The following FBXO42 variants were observed in gnomAD, a reference collection of about 807,000 sequenced individuals.
FBXO42 encodes F-box only protein 42.
FBXO42 carries 12 observed loss-of-function variants against 71.7 expected under a neutral mutation model. The observed-to-expected ratio is 0.17, with a 90% CI of 0.11 to 0.27. The LOEUF (loss-of-function observed/expected upper bound fraction) is 0.27. Among genes scored for constraint, FBXO42 ranks in the 10% least tolerant of loss-of-function variants. The probability of loss-of-function intolerance (pLI) is 1.00; values close to 1 mark genes in which losing one functional copy is unlikely to be tolerated. For missense variants in FBXO42, 707 were observed against 911.9 expected, an observed-to-expected ratio of 0.78 and a Z score of 2.89; for synonymous variants, 325 against 327.5, an observed-to-expected ratio of 0.99 and a Z score of 0.08.
At chr1:16,300,151 A>C (rs1162990706) in intron 3 of FBXO42, among the ~76,000 whole-genome samples, 1 of 152,140 alleles carries the variant, frequency 6.6e-6, no homozygotes. Context: ...CTAAATAGAA[A>C]ATTTTCCTTT....
chr1:16,321,601 G>A (rs2082409457), intron 1 of FBXO42, among the ~76,000 whole-genome samples: 1 of 152,080 alleles, frequency 6.6e-6, no homozygotes, highest in African/African-American at 2.4e-5. Context: ...CATTGGCCTA[G>A]GCATCTTTGT....
intron 3 of FBXO42, among the ~76,000 whole-genome samples, chr1:16,302,222 T>C (rs2082202239): frequency 6.6e-6 from 1 of 152,140 alleles, no homozygotes; most frequent in Non-Finnish European, 1.5e-5. Context: ...TGAGATGACT[T>C]TTAGAGAACA....
In FBXO42 at chr1:16,347,211, A is replaced by T. The variant is rs544970539; in HGVS notation, c.-18+5044T>A. ...TTGAAGCAAAACACTGGAAAAAATT[A>T]AAAACTCAGAAAAAAACTTTACAGG... On this transcript the variant is annotated intron_variant, in intron 1 of 9. Transcript: ENST00000375592. Among the ~76,000 whole-genome samples the T allele has an allele frequency of 1.5e-3, 227 of 152,248 alleles. 1 individual carries two copies. Among genetic ancestry groups the T allele is most frequent in the Middle Eastern group, 6.8e-3 (2 of 294 alleles).
intron 6 of FBXO42, among the ~76,000 whole-genome samples, chr1:16,253,997 A>G (rs1040949923): frequency 1.1e-4 from 16 of 152,234 alleles, no homozygotes; most frequent in African/African-American, 3.9e-4. Context: ...TATCTCTAAA[A>G]TGAAAATACT....
At chr1:16,303,837 C>A (rs2082222171) in intron 3 of FBXO42, among the ~76,000 whole-genome samples, 1 of 152,158 alleles carries the variant, frequency 6.6e-6, no homozygotes, top group South Asian at 2.1e-4. Context: ...GCTCCACCCC[C>A]TGGATTCACG....
intron 4 of FBXO42, among the ~76,000 whole-genome samples, chr1:16,262,589 C>T (rs1050217045): frequency 6.6e-6 from 1 of 152,062 alleles, no homozygotes; most frequent in Non-Finnish European, 1.5e-5. Context: ...TGCCTGTGGT[C>T]CCAGGTTCAA....
intron 1 of FBXO42, among the ~76,000 whole-genome samples, chr1:16,329,410 C>T (rs1279214738): frequency 6.6e-6 from 1 of 151,680 alleles, no homozygotes; most frequent in Non-Finnish European, 1.5e-5. Flanking sequence ...AGGGTGAAAC[C>T]CCGTTTCTAC....
At chr1:16,343,833 G>C (rs1465952273) in intron 1 of FBXO42, among the ~76,000 whole-genome samples, 2 of 151,150 alleles carry the variant, frequency 1.3e-5, no homozygotes, top group African/African-American at 4.9e-5. Flanking sequence ...AAAAATATTG[G>C]CCAGGTGTAG....
rs1259911742 is a variant in FBXO42, at chr1:16,252,947, A to G, written c.921+149T>C. ...CTAAAAAAAAGCAGAAACAAAGGCCAGAAAATACAAAGGCTATACCCAAAA... is the reference window on the plus strand; with the variant it reads ...CTAAAAAAAAGCAGAAACAAAGGCCGGAAAATACAAAGGCTATACCCAAAA... On this transcript the variant is annotated intron_variant, in intron 8 of 9. Coordinates refer to ENST00000375592, the MANE Select transcript of FBXO42 (RefSeq NM_018994.3). This position sits in a 1 kb window ranked among gnomAD's most constrained non-coding sequence, Gnocchi z 4.4. The G allele has an allele frequency of 5.0e-6, 3 of 596,388 alleles. No individual in the cohort carries two copies. The highest frequency in any genetic ancestry group is 8.4e-6 in the Non-Finnish European group (3 of 356,506). The allele number at this position is 596,388 out of a possible 1,614,324, so 36.9% of individuals were successfully genotyped here.
At chr1:16,316,730 CAAAA>C (rs71003274) in intron 1 of FBXO42, among the ~76,000 whole-genome samples, 12 of 51,582 alleles carry the variant, frequency 2.3e-4, no homozygotes, top group Admixed American at 1.5e-3. Flanking sequence ...GAAAGACTCT[CAAAA>C]AAAAAAAAAA....
intron 1 of FBXO42, among the ~76,000 whole-genome samples, chr1:16,338,756 A>G (rs1047497809): frequency 1.6e-4 from 24 of 147,694 alleles, no homozygotes; most frequent in African/African-American, 4.5e-4. Context: ...AACATAATAC[A>G]TTTTAACAAG....
At chr1:16,262,166 T>C (rs1172340244) in intron 4 of FBXO42, among the ~76,000 whole-genome samples, 2 of 152,206 alleles carry the variant, frequency 1.3e-5, no homozygotes, top group African/African-American at 4.8e-5. Context: ...AAAATCTACA[T>C]ATTTCATATA....
In FBXO42 at chr1:16,256,779, C is replaced by G. The variant is rs775289100; in HGVS notation, c.503-20G>C. The stretch of plus-strand genomic sequence containing the variant: ...AGGACCCTAGGGAAAGTCAGTAACA[C>G]CATGGTTAGCATTCAGGATCTCACA... On this transcript the variant is annotated intron_variant, in intron 4 of 9. Coordinates refer to ENST00000375592, the MANE Select transcript of FBXO42 (RefSeq NM_018994.3). The G allele has an allele frequency of 6.2e-7, 1 of 1,612,752 alleles. No individual in the cohort carries two copies. Among genetic ancestry groups the G allele is most frequent in the Non-Finnish European group, 8.5e-7 (1 of 1,178,984 alleles).
At position 16,344,154 on chromosome 1, in the gene FBXO42, C is replaced by T. The variant is rs1423590034; in HGVS notation, c.-18+8101G>A. Among the ~76,000 whole-genome samples, 8 of 151,980 alleles carry T rather than the reference C, an allele frequency of 5.3e-5. No individual in the cohort carries two copies. The East Asian group carries it at 1.4e-3, about 26-fold the overall frequency. On this transcript the variant is annotated intron_variant, in intron 1 of 9. Coordinates refer to ENST00000375592, the MANE Select transcript of FBXO42 (RefSeq NM_018994.3). Reference sequence around the variant, plus strand: ...CTGGAATTACAGGCATGTGCCACCACACCCAGCTAATTTTGTATTTTTAGT... The same window carrying T: ...CTGGAATTACAGGCATGTGCCACCATACCCAGCTAATTTTGTATTTTTAGT...
chr1:16,343,600 C>CGG (rs2082627001), intron 1 of FBXO42, among the ~76,000 whole-genome samples: 1 of 151,924 alleles, frequency 6.6e-6, no homozygotes, highest in African/African-American at 2.4e-5. Flanking sequence ...GAGGCAGGTA[C>CGG]ATCACGAGGT....
At chr1:16,325,724 C>T (rs12131942) in intron 1 of FBXO42, among the ~76,000 whole-genome samples, 39,310 of 151,850 alleles carry the variant, frequency 0.26, 5,865 homozygotes, top group Non-Finnish European at 0.34. Flanking sequence ...TGAACTCACT[C>T]GAGCGATTCT....
intron 4 of FBXO42, among the ~76,000 whole-genome samples, chr1:16,287,978 C>G (rs1188539249): frequency 6.6e-6 from 1 of 152,092 alleles, no homozygotes; most frequent in Non-Finnish European, 1.5e-5. Context: ...AACCCTGTCT[C>G]TACTAAAAAT....
At chr1:16,272,463 T>C (rs1439642452) in intron 4 of FBXO42, among the ~76,000 whole-genome samples, 2 of 152,100 alleles carry the variant, frequency 1.3e-5, no homozygotes, top group Non-Finnish European at 2.9e-5. Flanking sequence ...TTCACCATGT[T>C]AGTCAGGCTG....
At chr1:16,320,479 A>AT (rs2082403030) in intron 1 of FBXO42, among the ~76,000 whole-genome samples, 1 of 150,226 alleles carries the variant, frequency 6.7e-6, no homozygotes, top group Non-Finnish European at 1.5e-5. Flanking sequence ...AACTTCACTG[A>AT]TTTATTAACT....
Sources: allele counts gnomAD v4.1 joint callset (sites outside exome capture counted in the v4.1 genomes callset), GRCh38; gene constraint gnomAD v4.1.1; non-coding constraint Gnocchi (gnomAD v3.1); transcripts MANE v1.5; gene names NCBI Gene and HGNC (gene_info 2026-07-23, HGNC 2026-07-21).